CNTNAP2: variants seen among roughly 807,000 people sequenced by gnomAD.
CNTNAP2 encodes the protein contactin-associated protein-like 2.
A neutral mutation model predicts 155.2 loss-of-function variants in CNTNAP2; 98 were observed. That is an observed-to-expected ratio of 0.63 (90% CI 0.54 to 0.75). CNTNAP2 has a LOEUF of 0.75. Ranked by LOEUF, CNTNAP2 falls within the 30% of genes least tolerant of loss-of-function variation. The probability of loss-of-function intolerance (pLI) is 0.00; values close to 1 mark genes in which losing one functional copy is unlikely to be tolerated. For missense variants in CNTNAP2, 1,727 were observed against 1,688.1 expected (o/e 1.02, Z -0.40); for synonymous variants, 651 against 631.2 (o/e 1.03, Z -0.47).
chr7:147,016,803 C>T (rs552211221), intron 3 of CNTNAP2, among the ~76,000 whole-genome samples: 4 of 151,676 alleles, frequency 2.6e-5, no homozygotes, highest in Non-Finnish European at 5.9e-5. Context: ...GTGAATGGGC[C>T]ACAGGGAAGT....
chr7:147,850,211 G>A lies in CNTNAP2; in HGVS notation c.2099-53354G>A, dbSNP rs374528090. ...ACAGCTAGGAATCCAACTTATAAGG[G>A]ATGTGAAGGACCTCTTCAAGGAGAA... On this transcript the variant is annotated intron_variant, in intron 13 of 23. Transcript: ENST00000361727. Among the ~76,000 whole-genome samples, 49 of 152,258 alleles carry A rather than the reference G, an allele frequency of 3.2e-4. 1 individual carries two copies. Among genetic ancestry groups the A allele is most frequent in the African/African-American group, 1.0e-3 (42 of 41,542 alleles).
intron 9 of CNTNAP2, among the ~76,000 whole-genome samples, chr7:147,305,984 T>G (rs781214347): frequency 6.6e-5 from 10 of 152,158 alleles, no homozygotes; most frequent in Non-Finnish European, 1.2e-4. Flanking sequence ...CCTTTGTGTT[T>G]CCGCATCTGA....
At chr7:146,387,894 A>G (rs1795483699) in intron 1 of CNTNAP2, among the ~76,000 whole-genome samples, 1 of 152,064 alleles carries the variant, frequency 6.6e-6, no homozygotes, top group Non-Finnish European at 1.5e-5. Flanking sequence ...ACATTTAGGG[A>G]AAAATAATTT....
chr7:146,185,398 G>A (rs550064360), intron 1 of CNTNAP2, among the ~76,000 whole-genome samples: 82 of 152,154 alleles, frequency 5.4e-4, no homozygotes, highest in African/African-American at 1.9e-3. Context: ...GAGTAACTTC[G>A]ATAGAGACCA....
chr7:147,637,224 G>A (rs1231116222), intron 12 of CNTNAP2, among the ~76,000 whole-genome samples: 1 of 152,120 alleles, frequency 6.6e-6, no homozygotes, highest in African/African-American at 2.4e-5. Context: ...CCCGTGTTGA[G>A]TGTAGATGTG....
chr7:146,962,235 A>G (rs912969469), intron 3 of CNTNAP2, among the ~76,000 whole-genome samples: 2 of 152,198 alleles, frequency 1.3e-5, no homozygotes, highest in Non-Finnish European at 2.9e-5. Context: ...TTTGCTAAAT[A>G]AGATAACTGT....
chr7:147,043,876 C>T lies in CNTNAP2; in HGVS notation c.403-31C>T, dbSNP rs766280931. The T allele has an allele frequency of 8.7e-6, 14 of 1,613,120 alleles. No homozygotes were observed. In the African/African-American group the frequency reaches 1.9e-4, roughly 22 times the overall value. On this transcript the variant is annotated intron_variant, in intron 3 of 23. Transcript: ENST00000361727. ...CATGATTGTTTCTAAAGTATTTTTC[C>T]CAATTTTTAAAATACTATTTCCTTT...
intron 22 of CNTNAP2, among the ~76,000 whole-genome samples, chr7:148,407,971 G>A (rs1238021111): frequency 6.6e-6 from 1 of 152,192 alleles, no homozygotes; most frequent in African/African-American, 2.4e-5. Flanking sequence ...CTGGCCAGGT[G>A]CAGTGGCTCA....
At chr7:146,895,723 G>A (rs1358715004) in intron 3 of CNTNAP2, among the ~76,000 whole-genome samples, 8 of 152,068 alleles carry the variant, frequency 5.3e-5, no homozygotes, top group Non-Finnish European at 7.4e-5. Flanking sequence ...TCCGAAAAAG[G>A]AGTTTCTCTT....
intron 14 of CNTNAP2, among the ~76,000 whole-genome samples, chr7:147,954,173 T>C (rs1465186969): frequency 6.6e-6 from 1 of 152,140 alleles, no homozygotes; most frequent in Non-Finnish European, 1.5e-5. Context: ...GACGCATAAA[T>C]GAAGATGACT....
rs951332735 is a variant in CNTNAP2 at position 147,773,427 on chromosome 7, G to A, written c.2099-130138G>A. ...CAAGGCGGTCGATCACCTGAGGTCAGGAGTTTGAGACCAGCCCAGCCAACA... is the reference window on the plus strand; with the variant it reads ...CAAGGCGGTCGATCACCTGAGGTCAAGAGTTTGAGACCAGCCCAGCCAACA... On this transcript the variant is annotated intron_variant, in intron 13 of 23. Transcript: ENST00000361727. Among the ~76,000 whole-genome samples, 14 of 152,178 alleles carry A rather than the reference G, an allele frequency of 9.2e-5. No individual in the cohort carries two copies. The East Asian group carries it at 2.7e-3, about 29-fold the overall frequency.
chr7:146,748,143 C>CTTTTCTTTTTTTTTTTTTTTTT (rs60181692), intron 1 of CNTNAP2, among the ~76,000 whole-genome samples: 5 of 98,006 alleles, frequency 5.1e-5, no homozygotes, highest in South Asian at 3.9e-4. Context: ...CTTTTCTTTT[C>CTTTTCTTTTTTTTTTTTTTTTT]TTTTTTTTTT....
intron 15 of CNTNAP2, among the ~76,000 whole-genome samples, chr7:148,027,435 T>C (rs572529945): frequency 6.6e-6 from 1 of 152,234 alleles, no homozygotes; most frequent in Non-Finnish European, 1.5e-5. Flanking sequence ...CAGGAAAAGA[T>C]TTAATTCTTA....
chr7:146,881,927 G>A (rs1488709986), intron 3 of CNTNAP2, among the ~76,000 whole-genome samples: 5 of 152,036 alleles, frequency 3.3e-5, no homozygotes, highest in East Asian at 3.9e-4. Flanking sequence ...AGTGACCATA[G>A]TACCCAACAG....
rs73740843 is a variant in CNTNAP2, at chr7:146,762,039, C to T, written c.98-12232C>T. ...AATATTATTTTAACATAGATCCTTA[C>T]ATTGTTTAAGATAAATTCATACCCA... On this transcript the variant is annotated intron_variant, in intron 1 of 23. Coordinates refer to ENST00000361727, the MANE Select transcript of CNTNAP2 (RefSeq NM_014141.6). Among the ~76,000 whole-genome samples the T allele has an allele frequency of 7.6e-4, 116 of 152,186 alleles. 1 individual carries two copies. The highest frequency in any genetic ancestry group is 2.6e-3 in the African/African-American group (107 of 41,532).
intron 13 of CNTNAP2, among the ~76,000 whole-genome samples, chr7:147,754,343 T>C (rs1400025153): frequency 1.3e-5 from 2 of 152,244 alleles, no homozygotes; most frequent in Non-Finnish European, 2.9e-5. Flanking sequence ...TTGTATTCTG[T>C]CCTTTTAGTA....
chr7:147,009,916 A>G (rs549962903), intron 3 of CNTNAP2, among the ~76,000 whole-genome samples: 2 of 152,016 alleles, frequency 1.3e-5, no homozygotes, highest in Admixed American at 6.5e-5. Context: ...GTAAATTTCT[A>G]TGTAGCTCTG....
At chr7:146,254,129 GCACACACACACACACA>G (rs3050025) in intron 1 of CNTNAP2, among the ~76,000 whole-genome samples, 2 of 144,976 alleles carry the variant, frequency 1.4e-5, no homozygotes, top group Non-Finnish European at 3.0e-5. Context: ...ATTGCTACTT[GCACACACACACACACA>G]CACACACACA....
intron 1 of CNTNAP2, among the ~76,000 whole-genome samples, chr7:146,636,166 C>T (rs1393133730): frequency 7.9e-5 from 11 of 138,828 alleles, no homozygotes; most frequent in African/African-American, 1.4e-4. Flanking sequence ...TGGACTACAG[C>T]GGTGCCCACA....
Sources: gnomAD v4.1 joint callset for allele counts (sites outside exome capture counted in the v4.1 genomes callset) on GRCh38, gnomAD v4.1.1 for gene constraint, MANE v1.5 for transcripts, NCBI Gene and HGNC (gene_info 2026-07-23, HGNC 2026-07-21) for gene names.